The following CSNK1G1 variants were observed in gnomAD, a reference collection of about 807,000 sequenced individuals.
CSNK1G1 encodes casein kinase 1 gamma 1, also known as casein kinase I isoform gamma-1.
A neutral mutation model predicts 59.6 loss-of-function variants in CSNK1G1; 22 were observed. The ratio of observed to expected loss-of-function variants is 0.37; its 90% CI spans 0.26 to 0.53. CSNK1G1 has a LOEUF of 0.53. Among genes scored for constraint, CSNK1G1 ranks in the 20% least tolerant of loss-of-function variants. CSNK1G1 has a pLI of 0.89. For missense variants in CSNK1G1, 384 were observed against 519.5 expected (o/e 0.74, Z 2.54); for synonymous variants, 179 against 177.1 (o/e 1.01, Z -0.08).
rs1895837730 is a variant in CSNK1G1 at position 64,308,879 on chromosome 15, AGAGT to A, written c.-224-8160_-224-8157del. Among the ~76,000 whole-genome samples, 3 of 137,672 alleles carry A rather than the reference AGAGT, an allele frequency of 2.2e-5. No homozygotes were observed. The South Asian group carries it at 7.9e-4, about 36-fold the overall frequency. The allele number at this position is 137,672 out of a possible 152,430, so 90.3% of individuals were successfully genotyped here. On this transcript the variant is annotated intron_variant, in intron 1 of 11. Transcript: ENST00000303052. ...GCCACTGCACTCCAGCCTGGGCGAC[AGAGT>A]GAGACTCTGTCTCAAAAAAAAAAAA...
intron 2 of CSNK1G1, among the ~76,000 whole-genome samples, chr15:64,280,965 C>T (rs967750068): frequency 7.2e-5 from 11 of 152,040 alleles, no homozygotes; most frequent in African/African-American, 2.4e-4. Flanking sequence ...CTGTAAGCTC[C>T]GCCTCCTGGG....
chr15:64,266,198 G>A (rs1596186152), intron 2 of CSNK1G1, among the ~76,000 whole-genome samples: 1 of 152,042 alleles, frequency 6.6e-6, no homozygotes, highest in East Asian at 1.9e-4. Context: ...GAGTAGCTGG[G>A]ACTATAGGCA....
chr15:64,171,596 G>T lies in CSNK1G1; in HGVS notation c.*335C>A. On this transcript the variant is annotated 3_prime_UTR_variant, in exon 12 of 12. Transcript: ENST00000303052. The surrounding 1 kb of genome is among the most constrained non-coding windows in gnomAD (Gnocchi z 4.8). ...GGGGTAAAAACCAGGAGTAAACTAA[G>T]GGGAAGAAGGAGAATAGCAGTCCTT... The T allele has an allele frequency of 3.1e-6, 1 of 320,578 alleles. No homozygotes were observed. 19.9% of individuals were successfully genotyped at this position (320,578 alleles called of 1,614,324 possible).
intron 1 of CSNK1G1, among the ~76,000 whole-genome samples, chr15:64,329,589 A>C (rs1209478137): frequency 7.5e-6 from 1 of 134,164 alleles, no homozygotes; most frequent in Non-Finnish European, 1.6e-5. Context: ...TCCAAAATTG[A>C]CATCCTAACA....
intron 2 of CSNK1G1, among the ~76,000 whole-genome samples, chr15:64,275,346 C>CT (rs1893549812): frequency 6.6e-6 from 1 of 152,084 alleles, no homozygotes; most frequent in African/African-American, 2.4e-5. Context: ...AAGAGCATCT[C>CT]TTTAAGTGAG....
chr15:64,280,991 T>G (rs1894095170), intron 2 of CSNK1G1, among the ~76,000 whole-genome samples: 1 of 152,110 alleles, frequency 6.6e-6, no homozygotes, highest in Non-Finnish European at 1.5e-5. Context: ...GCCATTATCC[T>G]GCCTCAGCCT....
intron 4 of CSNK1G1, among the ~76,000 whole-genome samples, chr15:64,219,777 C>CTTTTT (rs750402203): frequency 2.1e-4 from 28 of 136,268 alleles, no homozygotes; most frequent in Middle Eastern, 4.0e-3. Context: ...CTTTTCTTTT[C>CTTTTT]TTTTTTTTTT....
chr15:64,337,982 T>C (rs1179868786), intron 1 of CSNK1G1, among the ~76,000 whole-genome samples: 2 of 152,252 alleles, frequency 1.3e-5, no homozygotes, highest in East Asian at 3.8e-4. Context: ...TTCCTTCCTT[T>C]GTATGTATAT....
Position 64,259,998 on chromosome 15 carries a change from C to T in CSNK1G1, c.182-757G>A, listed in dbSNP as rs964521260. 5.3e-5 allele frequency among the ~76,000 whole-genome samples: 8 copies of T among 152,288 alleles called. No individual in the cohort carries two copies. The South Asian group carries it at 6.2e-4, about 12-fold the overall frequency. ...ATGATGATGAGGGCCAGAGCAACAACATTCACTTACTGAACCTGTAATATA... is the reference window on the plus strand; with the variant it reads ...ATGATGATGAGGGCCAGAGCAACAATATTCACTTACTGAACCTGTAATATA... On this transcript the variant is annotated intron_variant, in intron 2 of 11. Coordinates refer to ENST00000303052, the MANE Select transcript of CSNK1G1 (RefSeq NM_022048.5).
chr15:64,310,810 T>A (rs543841255), intron 1 of CSNK1G1, among the ~76,000 whole-genome samples: 2 of 151,816 alleles, frequency 1.3e-5, no homozygotes, highest in East Asian at 2.0e-4. Context: ...ATCGAGACCA[T>A]CCTGGCCAAT....
intron 2 of CSNK1G1, among the ~76,000 whole-genome samples, chr15:64,261,185 T>C (rs762142043): frequency 6.6e-6 from 1 of 152,150 alleles, no homozygotes; most frequent in African/African-American, 2.4e-5. Flanking sequence ...AACAGCCAAT[T>C]CCCAGGCCGA....
At position 64,340,726 on chromosome 15, in the gene CSNK1G1, A is replaced by C. The variant is rs1007042659; in HGVS notation, c.-225+15262T>G. Among the ~76,000 whole-genome samples, 13 of 152,170 alleles carry C rather than the reference A, an allele frequency of 8.5e-5. No homozygotes were observed. In the South Asian group the frequency reaches 2.1e-3, roughly 24 times the overall value. On this transcript the variant is annotated intron_variant, in intron 1 of 11. Transcript: ENST00000303052. Reference sequence around the variant, plus strand: ...CCCAGCACTTTGGGGGGCCGAGGCCAGAGGATCACTTGAGCCCAGGAGCTC... The same window carrying C: ...CCCAGCACTTTGGGGGGCCGAGGCCCGAGGATCACTTGAGCCCAGGAGCTC...
intron 1 of CSNK1G1, among the ~76,000 whole-genome samples, chr15:64,323,745 T>C (rs1401065437): frequency 1.3e-5 from 2 of 152,186 alleles, no homozygotes; most frequent in Admixed American, 6.5e-5. Flanking sequence ...CTCCCCTCCT[T>C]CCTTCAAAAC....
At chr15:64,342,033 G>A (rs1012847741) in intron 1 of CSNK1G1, among the ~76,000 whole-genome samples, 2 of 152,208 alleles carry the variant, frequency 1.3e-5, no homozygotes, top group Non-Finnish European at 2.9e-5. Context: ...CTGGCTAAAT[G>A]ACTTCCCTTG....
In CSNK1G1 at chr15:64,186,363, G is replaced by A. The variant is rs951421597; in HGVS notation, c.1108-5909C>T. 2.2e-4 allele frequency among the ~76,000 whole-genome samples: 33 copies of A among 152,180 alleles called. No homozygotes were observed. The East Asian group carries it at 2.3e-3, about 11-fold the overall frequency. On this transcript the variant is annotated intron_variant, in intron 10 of 11. Coordinates refer to ENST00000303052, the MANE Select transcript of CSNK1G1 (RefSeq NM_022048.5). ...CCTGACCTTGTGATCTGCTCACCTC[G>A]GCCTCCCAAAGTGCTGGGATTACAG...
intron 10 of CSNK1G1, among the ~76,000 whole-genome samples, chr15:64,184,861 T>C (rs2140217347): frequency 6.6e-6 from 1 of 152,208 alleles, no homozygotes; most frequent in South Asian, 2.1e-4. Context: ...TAATATCCCT[T>C]TTAGGAGTCT....
Position 64,214,225 on chromosome 15 carries a change from A to G in CSNK1G1, c.445-101T>C. On this transcript the variant is annotated intron_variant, in intron 5 of 11. Transcript: ENST00000303052. The surrounding 1 kb of genome is among the most constrained non-coding windows in gnomAD (Gnocchi z 4.3). ...AGACCAAGGTTTTAATTATTGAAAT[A>G]ACAGTAAAATTCATCTCCTTTCACC... The G allele has an allele frequency of 1.2e-6, 1 of 865,668 alleles. No individual in the cohort carries two copies. Among genetic ancestry groups the G allele is most frequent in the Non-Finnish European group, 1.9e-6 (1 of 534,154 alleles). The allele number at this position is 865,668 out of a possible 1,614,324, so 53.6% of individuals were successfully genotyped here. A position where few individuals can be genotyped will look rare whatever the true frequency, so the allele number is the denominator to read the frequency against.
At chr15:64,178,514 G>A (rs1462031226) in intron 11 of CSNK1G1, among the ~76,000 whole-genome samples, 2 of 137,848 alleles carry the variant, frequency 1.5e-5, no homozygotes, top group Middle Eastern at 4.0e-3. Flanking sequence ...ATGGAGTCTC[G>A]CTCTGTCGCC....
intron 1 of CSNK1G1, among the ~76,000 whole-genome samples, chr15:64,306,021 C>T (rs150204133): frequency 5.9e-5 from 9 of 152,190 alleles, no homozygotes; most frequent in African/African-American, 2.2e-4. Flanking sequence ...AAATGTAAAA[C>T]ACAAAATGAT....
Sources: gnomAD v4.1 joint callset for allele counts (sites outside exome capture counted in the v4.1 genomes callset) on GRCh38, gnomAD v4.1.1 for gene constraint, Gnocchi (gnomAD v3.1) non-coding constraint, MANE v1.5 for transcripts, NCBI Gene and HGNC (gene_info 2026-07-23, HGNC 2026-07-21) for gene names.